SGCD: variants seen among roughly 807,000 people sequenced by gnomAD.
SGCD encodes the protein sarcoglycan delta, also known as delta-sarcoglycan.
A neutral mutation model predicts 36.6 loss-of-function variants in SGCD; 18 were observed. The observed-to-expected ratio is 0.49, with a 90% CI of 0.34 to 0.73. SGCD has a LOEUF of 0.73. Ranked by LOEUF, SGCD falls within the 30% of genes least tolerant of loss-of-function variation. The pLI is 0.01. For missense variants in SGCD, 387 were observed against 346.7 expected (o/e 1.12, Z -0.92); for synonymous variants, 133 against 130.6 (o/e 1.02, Z -0.12).
chr5:156,476,363 C>T lies in SGCD; in HGVS notation c.193-32238C>T, dbSNP rs554878868. 1.1e-4 allele frequency among the ~76,000 whole-genome samples: 17 copies of T among 152,176 alleles called. 1 individual carries two copies. The highest frequency in any genetic ancestry group is 8.5e-4 in the Admixed American group (13 of 15,288). On this transcript the variant is annotated intron_variant, in intron 3 of 8. Transcript: ENST00000337851. ...GGAGCTGACTGTGCATAAGTGAGAG[C>T]GGCCGAAGTGGAAGCAGAATTAATT...
At chr5:155,883,500 T>C (rs1242881868) in intron 1 of SGCD, among the ~76,000 whole-genome samples, 1 of 152,090 alleles carries the variant, frequency 6.6e-6, no homozygotes, top group African/African-American at 2.4e-5. Context: ...GTATTATGTC[T>C]CAGGGAATAG....
At chr5:156,673,212 G>T (rs1053946704) in intron 7 of SGCD, among the ~76,000 whole-genome samples, 2 of 152,062 alleles carry the variant, frequency 1.3e-5, no homozygotes, top group African/African-American at 4.8e-5. Flanking sequence ...GCTTTCCTGG[G>T]GTCTGTAGTT....
chr5:155,963,492 T>C lies in SGCD; in HGVS notation c.-282+93068T>C, dbSNP rs182397182. Among the ~76,000 whole-genome samples, 274 of 152,222 alleles carry C rather than the reference T, an allele frequency of 1.8e-3. 3 individuals are homozygous for C. Among genetic ancestry groups the C allele is most frequent in the African/African-American group, 6.4e-3 (264 of 41,564 alleles). ...TTACTCTCACTGGCCTACAAATCGA[T>C]CTAGAACAATAACAGCAGTGATGAT... On this transcript the variant is annotated intron_variant, in intron 1 of 9. Transcript: ENST00000517913.
chr5:156,081,912 T>G (rs1760964624), intron 1 of SGCD, among the ~76,000 whole-genome samples: 1 of 152,114 alleles, frequency 6.6e-6, no homozygotes, highest in South Asian at 2.1e-4. Flanking sequence ...ATGTCCTTCT[T>G]CTTACGGGAA....
the SGCD span, among the ~76,000 whole-genome samples, chr5:155,823,062 A>ATATCTATATATC: frequency 6.9e-6 from 1 of 145,172 alleles, no homozygotes; most frequent in African/African-American, 2.6e-5. Context: ...CTATATCTCT[A>ATATCTATATATC]TATCTATCTA....
intron 2 of SGCD, among the ~76,000 whole-genome samples, chr5:156,343,138 A>G (rs971527735): frequency 6.6e-6 from 1 of 152,156 alleles, no homozygotes; most frequent in South Asian, 2.1e-4. Context: ...ATTGTGAACC[A>G]TCTGGAAGAT....
chr5:156,099,505 C>T (rs1761469044), intron 1 of SGCD, among the ~76,000 whole-genome samples: 1 of 152,210 alleles, frequency 6.6e-6, no homozygotes, highest in Non-Finnish European at 1.5e-5. Context: ...ACCTCTGCCT[C>T]CCAGGCTCAG....
At chr5:156,652,852 T>A (rs998347364) in intron 7 of SGCD, among the ~76,000 whole-genome samples, 2 of 152,140 alleles carry the variant, frequency 1.3e-5, no homozygotes, top group Non-Finnish European at 2.9e-5. Flanking sequence ...CTTGAGATGA[T>A]CATATGGTTT....
At chr5:156,667,056 G>A (rs1222679617) in intron 7 of SGCD, among the ~76,000 whole-genome samples, 1 of 152,170 alleles carries the variant, frequency 6.6e-6, no homozygotes, top group African/African-American at 2.4e-5. Flanking sequence ...TTTGAGGACT[G>A]ACATAAAGCT....
rs1453689494 is a variant in SGCD at position 156,461,546 on chromosome 5, ATAAAT to A, written c.193-47052_193-47048del. 2.6e-5 allele frequency among the ~76,000 whole-genome samples: 4 copies of A among 152,278 alleles called. No individual in the cohort carries two copies. In the East Asian group the frequency reaches 7.7e-4, roughly 29 times the overall value. ...CTTAGGGGGAAAAACCTTTCAGGCT[ATAAAT>A]TAGTTTTCATATATAAAATATTGTT... On this transcript the variant is annotated intron_variant, in intron 3 of 8. Transcript: ENST00000337851.
intron 6 of SGCD, among the ~76,000 whole-genome samples, chr5:156,605,757 G>T (rs956748966): frequency 6.6e-6 from 1 of 152,098 alleles, no homozygotes; most frequent in African/African-American, 2.4e-5. Context: ...TGTGTGAGAG[G>T]GTATCTCATT....
chr5:156,676,017 CTT>C (rs1455060443), intron 7 of SGCD, among the ~76,000 whole-genome samples: 1 of 152,264 alleles, frequency 6.6e-6, no homozygotes, highest in East Asian at 1.9e-4. Flanking sequence ...ATAGCTCTCT[CTT>C]AACCATAGCA....
chr5:156,034,857 G>A (rs1256910546), intron 1 of SGCD, among the ~76,000 whole-genome samples: 1 of 152,214 alleles, frequency 6.6e-6, no homozygotes, highest in Non-Finnish European at 1.5e-5. Context: ...TTGGATAAAT[G>A]TGTCATAGGA....
chr5:156,575,939 T>A (rs931969691), intron 4 of SGCD, among the ~76,000 whole-genome samples: 5 of 152,204 alleles, frequency 3.3e-5, no homozygotes, highest in African/African-American at 1.2e-4. Context: ...CAAATTTTTT[T>A]AATACTTTAA....
At chr5:156,721,738 C>A (rs927039024) in intron 7 of SGCD, among the ~76,000 whole-genome samples, 1 of 152,130 alleles carries the variant, frequency 6.6e-6, no homozygotes, top group African/African-American at 2.4e-5. Flanking sequence ...TGAGCAAGGG[C>A]TGAACCCTAG....
At chr5:155,864,332 G>A in the SGCD span, among the ~76,000 whole-genome samples, 1 of 152,102 alleles carries the variant, frequency 6.6e-6, no homozygotes, top group African/African-American at 2.4e-5. Flanking sequence ...CAAAGATAGG[G>A]GAATTTTGAG....
At chr5:156,401,736 G>C (rs566942559) in intron 3 of SGCD, among the ~76,000 whole-genome samples, 2 of 149,788 alleles carry the variant, frequency 1.3e-5, no homozygotes, top group Non-Finnish European at 3.0e-5. Context: ...TAGGAAATAA[G>C]TAGTCATGGT....
intron 1 of SGCD, among the ~76,000 whole-genome samples, chr5:156,089,495 G>C (rs1761187299): frequency 6.6e-6 from 1 of 152,182 alleles, no homozygotes; most frequent in African/African-American, 2.4e-5. Context: ...ACCTGGAAAT[G>C]ACTTCCTTCA....
At chr5:156,209,855 G>A (rs1764390522) in intron 3 of SGCD, among the ~76,000 whole-genome samples, 1 of 152,034 alleles carries the variant, frequency 6.6e-6, no homozygotes, top group Admixed American at 6.6e-5. Context: ...CTCTACACCA[G>A]GTCCCTTACA....
Sources: gnomAD v4.1 joint callset for allele counts (sites outside exome capture counted in the v4.1 genomes callset) on GRCh38, gnomAD v4.1.1 for gene constraint, MANE v1.5 for transcripts, NCBI Gene and HGNC (gene_info 2026-07-23, HGNC 2026-07-21) for gene names.